The following STK32B variants were observed in gnomAD, a reference collection of about 807,000 sequenced individuals.
STK32B encodes the protein serine/threonine-protein kinase 32B.
A neutral mutation model predicts 52.6 loss-of-function variants in STK32B; 43 were observed. The observed-to-expected ratio is 0.82, with a 90% CI of 0.64 to 1.05. STK32B has a LOEUF of 1.05. Ranked by LOEUF, STK32B falls within the 50% of genes least tolerant of loss-of-function variation. The pLI, the probability that STK32B is intolerant of heterozygous loss-of-function variation, is 0.00. For missense variants in STK32B, 621 were observed against 534.6 expected (o/e 1.16, Z -1.59); for synonymous variants, 238 against 204.3 (o/e 1.17, Z -1.41).
chr4:5,359,375 C>T (rs961253531), intron 4 of STK32B, among the ~76,000 whole-genome samples: 2 of 139,192 alleles, frequency 1.4e-5, no homozygotes, highest in Admixed American at 7.3e-5. Flanking sequence ...AACCACTCAT[C>T]CAACCCTCCC....
chr4:5,067,088 G>A (rs920778607), intron 1 of STK32B, among the ~76,000 whole-genome samples: 8 of 152,122 alleles, frequency 5.3e-5, no homozygotes, highest in African/African-American at 9.7e-5. Context: ...CCAGTTCCAC[G>A]TGGCTGAGAA....
chr4:5,291,958 G>A (rs1343900791), intron 3 of STK32B, among the ~76,000 whole-genome samples: 1 of 152,088 alleles, frequency 6.6e-6, no homozygotes, highest in Non-Finnish European at 1.5e-5. Context: ...CCATCGCCCA[G>A]ATAGCAAACC....
chr4:5,064,486 ATGT>A (rs1168830491), intron 1 of STK32B, among the ~76,000 whole-genome samples: 2 of 72,928 alleles, frequency 2.7e-5, no homozygotes, highest in Middle Eastern at 0.021. Context: ...ATATATACTT[ATGT>A]TATATACATA....
At position 5,249,759 on chromosome 4, in the gene STK32B, T is replaced by G. The variant is rs923967295; in HGVS notation, c.260+81309T>G. On this transcript the variant is annotated intron_variant, in intron 3 of 11. Coordinates refer to ENST00000282908, the MANE Select transcript of STK32B (RefSeq NM_018401.3). Reference sequence around the variant, plus strand: ...TTCTCAGTCTGGCTCTCTCTTAATTTATTGTTTTTGTTTTTCTTTTAGTTT... The same window carrying G: ...TTCTCAGTCTGGCTCTCTCTTAATTGATTGTTTTTGTTTTTCTTTTAGTTT... Among the ~76,000 whole-genome samples, 3 of 152,098 alleles carry G rather than the reference T, an allele frequency of 2.0e-5. No homozygotes were observed. The South Asian group carries it at 6.2e-4, about 32-fold the overall frequency.
intron 4 of STK32B, among the ~76,000 whole-genome samples, chr4:5,346,205 G>A (rs973123951): frequency 2.0e-5 from 3 of 152,194 alleles, no homozygotes; most frequent in African/African-American, 7.2e-5. Context: ...TGAGAAATCA[G>A]GTGTGTTCAA....
At chr4:5,239,181 CAGAG>C (rs1192858711) in intron 3 of STK32B, among the ~76,000 whole-genome samples, 6 of 152,020 alleles carry the variant, frequency 3.9e-5, no homozygotes, top group African/African-American at 9.7e-5. Flanking sequence ...GGACAGGAGA[CAGAG>C]AGAGGTGAGC....
chr4:5,206,497 A>G (rs1222922578), intron 3 of STK32B, among the ~76,000 whole-genome samples: 2 of 152,166 alleles, frequency 1.3e-5, no homozygotes, highest in African/African-American at 2.4e-5. Context: ...AGCTAATGAC[A>G]GAGGCGTGAC....
In STK32B at chr4:5,499,785, C is replaced by T. The variant is rs1037583032; in HGVS notation, c.*702C>T. On this transcript the variant is annotated 3_prime_UTR_variant, in exon 12 of 12. Transcript: ENST00000282908. Reference sequence around the variant, plus strand: ...CAGCAGTCCTCACCACCACCATATCCCCAGTGCTGGGATGGCACACAGGTG... The same window carrying T: ...CAGCAGTCCTCACCACCACCATATCTCCAGTGCTGGGATGGCACACAGGTG... 2 of 152,358 alleles carry T rather than the reference C, an allele frequency of 1.3e-5. No homozygotes were observed. The highest frequency in any genetic ancestry group is 4.8e-5 in the African/African-American group (2 of 41,452). The allele number at this position is 152,358 out of a possible 1,614,324, so 9.4% of individuals were successfully genotyped here.
intron 3 of STK32B, among the ~76,000 whole-genome samples, chr4:5,235,532 A>C (rs764030549): frequency 7.9e-5 from 12 of 152,218 alleles, no homozygotes; most frequent in Non-Finnish European, 1.8e-4. Context: ...CGAATTAGCA[A>C]CTTTATCTGA....
At chr4:5,044,921 C>A in the STK32B span, among the ~76,000 whole-genome samples, 2 of 152,096 alleles carry the variant, frequency 1.3e-5, no homozygotes, top group African/African-American at 4.8e-5. Flanking sequence ...AAAACAAACA[C>A]AACCAAAAAA....
At chr4:5,329,761 C>T (rs770246283) in intron 3 of STK32B, among the ~76,000 whole-genome samples, 3 of 152,206 alleles carry the variant, frequency 2.0e-5, no homozygotes, top group Non-Finnish European at 4.4e-5. Flanking sequence ...AGCCCCCTTC[C>T]TTGCCTTAAT....
chr4:5,377,034 G>A (rs1735631094), intron 4 of STK32B, among the ~76,000 whole-genome samples: 1 of 152,026 alleles, frequency 6.6e-6, no homozygotes. Context: ...CTACACCCCT[G>A]CCCCCAGCTC....
intron 11 of STK32B, among the ~76,000 whole-genome samples, chr4:5,475,012 C>G (rs987837840): frequency 6.6e-6 from 1 of 152,148 alleles, no homozygotes; most frequent in South Asian, 2.1e-4. Context: ...TGACCTGACG[C>G]AGCGGGAGGA....
intron 2 of STK32B, among the ~76,000 whole-genome samples, chr4:5,164,256 C>G (rs929469000): frequency 2.0e-5 from 3 of 152,174 alleles, no homozygotes; most frequent in Non-Finnish European, 2.9e-5. Flanking sequence ...ATGCCATCAC[C>G]CAGCTTCTGG....
chr4:5,213,211 G>T (rs1009320019), intron 3 of STK32B, among the ~76,000 whole-genome samples: 1 of 152,114 alleles, frequency 6.6e-6, no homozygotes, highest in African/African-American at 2.4e-5. Flanking sequence ...AACAAATGCT[G>T]TTGGCCCTGA....
intron 2 of STK32B, among the ~76,000 whole-genome samples, chr4:5,159,815 T>TATATGAATATATGAA (rs1718293618): frequency 6.9e-6 from 1 of 144,382 alleles, no homozygotes; most frequent in Non-Finnish European, 1.5e-5. Context: ...ATATATGTTA[T>TATATGAATATATGAA]TGGAGTTTGA....
At position 5,380,872 on chromosome 4, in the gene STK32B, C is replaced by T. The variant is rs1241010197; in HGVS notation, c.435-17335C>T. Reference sequence around the variant, plus strand: ...AAATTGAGACTCAGAGGAGGGAAGGCGCCTGTTCAAGGTCCTGCAGCTCAT... The same window carrying T: ...AAATTGAGACTCAGAGGAGGGAAGGTGCCTGTTCAAGGTCCTGCAGCTCAT... On this transcript the variant is annotated intron_variant, in intron 4 of 11. Coordinates refer to ENST00000282908, the MANE Select transcript of STK32B (RefSeq NM_018401.3). This position sits in a 1 kb window ranked among gnomAD's most constrained non-coding sequence, Gnocchi z 4.3. Among the ~76,000 whole-genome samples the T allele has an allele frequency of 1.3e-5, 2 of 152,078 alleles. No homozygotes were observed. The highest frequency in any genetic ancestry group is 1.3e-4 in the Admixed American group (2 of 15,268).
At chr4:5,361,744 A>T (rs1459178909) in intron 4 of STK32B, among the ~76,000 whole-genome samples, 4 of 152,228 alleles carry the variant, frequency 2.6e-5, no homozygotes, top group Non-Finnish European at 5.9e-5. Context: ...AAACTGCTGG[A>T]CTAAGGAATT....
Position 5,263,845 on chromosome 4 carries a change from T to A in STK32B, c.261-67375T>A, listed in dbSNP as rs78451358. Among the ~76,000 whole-genome samples, 743 of 152,348 alleles carry A rather than the reference T, an allele frequency of 4.9e-3. 5 individuals are homozygous for A. The highest frequency in any genetic ancestry group is 0.016 in the African/African-American group (679 of 41,576). On this transcript the variant is annotated intron_variant, in intron 3 of 11. Transcript: ENST00000282908. ...TGTTAATCCCTATCACTATTATCAC[T>A]GCCTTCCAGGAAACCACTGTGCTTA...
Sources: allele counts gnomAD v4.1 joint callset (sites outside exome capture counted in the v4.1 genomes callset), GRCh38; gene constraint gnomAD v4.1.1; non-coding constraint Gnocchi (gnomAD v3.1); transcripts MANE v1.5; gene names NCBI Gene and HGNC (gene_info 2026-07-23, HGNC 2026-07-21).